The following SLC6A12 variants were observed in gnomAD, a reference collection of about 807,000 sequenced individuals.
SLC6A12 encodes the protein sodium- and chloride-dependent betaine transporter.
In SLC6A12, 50 loss-of-function variants were observed where a neutral mutation model predicts 73.3. That is an observed-to-expected ratio of 0.68 (90% CI 0.54 to 0.86). The LOEUF (loss-of-function observed/expected upper bound fraction) is 0.86. Among genes scored for constraint, SLC6A12 ranks in the 40% least tolerant of loss-of-function variants. SLC6A12 has a pLI of 0.00. For synonymous variants in SLC6A12, 304 were observed against 309.2 expected (o/e 0.98, Z 0.18); for missense variants, 648 against 772.8 (o/e 0.84, Z 1.92).
chr12:205,086 AACAAAC>A (rs1014573647), intron 3 of SLC6A12: 4 of 186,336 alleles, frequency 2.1e-5, no homozygotes, highest in African/African-American at 9.4e-5. Flanking sequence ...TTTAGAGAAA[AACAAAC>A]ACAAACACCT....
At chr12:189,038 C>A (rs1939496821), downstream of SLC6A12, among the ~76,000 whole-genome samples, 1 of 152,148 alleles carries the variant, frequency 6.6e-6, no homozygotes, top group Admixed American at 6.5e-5. Flanking sequence ...TGGTGCAGGG[C>A]GAAGGAATCT....
Position 191,223 on chromosome 12 carries a change from A to G in SLC6A12, c.1702-12T>C. On this transcript the variant is annotated splice_polypyrimidine_tract_variant and intron_variant, in intron 15 of 15. Transcript: ENST00000684302. The stretch of plus-strand genomic sequence containing the variant: ...AGCTGACGCAGACGCTGTGGAGAGA[A>G]GAGGCAGGGATTTGGAGCTGATGGT... 7.9e-7 allele frequency: 1 copy of G among 1,261,496 alleles called. No individual in the cohort carries two copies. The highest frequency in any genetic ancestry group is 3.7e-5 in the South Asian group (1 of 27,294). 78.1% of individuals were successfully genotyped at this position (1,261,496 alleles called of 1,614,324 possible).
rs563357289 is a variant in SLC6A12, at chr12:192,597, C to T, written c.1582G>A (p.Val528Ile). Reference protein sequence around the residue: ...SKYTPLKYNNVYVYPPWGYSI... With the variant: ...SKYTPLKYNNIYVYPPWGYSI... ...TATCCCCAGGGCGGGTACACATAGA[C>T]GTTGTTGTACTTGAGGGGGGTGTAC... The change falls in exon 15 of 16, where the codon GTC becomes ATC. Residue 528 changes from valine to isoleucine, a missense_variant. Physicochemically the swap from Val to Ile is conservative, Grantham distance 29 (BLOSUM62 3). Transcript: ENST00000684302. 99 of 1,614,006 alleles carry T rather than the reference C, an allele frequency of 6.1e-5. No individual in the cohort carries two copies. The South Asian group carries it at 8.9e-4, about 15-fold the overall frequency.
intron 9 of SLC6A12, among the ~76,000 whole-genome samples, 188 bp downstream of exon 9, chr12:197,712 A>G (rs1441908216): frequency 6.6e-6 from 1 of 152,120 alleles, no homozygotes; most frequent in African/African-American, 2.4e-5. Flanking sequence ...GGCAGACAAC[A>G]AAGAGAGAAG....
downstream of SLC6A12, among the ~76,000 whole-genome samples, chr12:187,629 A>AAAC (rs1939459863): frequency 4.4e-5 from 2 of 45,334 alleles, no homozygotes; most frequent in Admixed American, 2.5e-4. Context: ...AAAAAAAAAA[A>AAAC]AACAAACCAC....
chr12:195,188 C>T, intron 13 of SLC6A12, 37 bp downstream of exon 13: 1 of 1,329,498 alleles, frequency 7.5e-7, no homozygotes, highest in South Asian at 1.2e-5. Context: ...CGGTCTTTCT[C>T]CCACCCTGCT....
chr12:187,572 G>A (rs535604805), downstream of SLC6A12, among the ~76,000 whole-genome samples: 31 of 113,582 alleles, frequency 2.7e-4, no homozygotes, highest in Admixed American at 2.3e-3. Context: ...GCAGCAGCAA[G>A]ATTTACTGCA....
Position 196,121 on chromosome 12 carries a change from C to A in SLC6A12, c.1326+3G>T. On this transcript the variant is annotated splice_donor_region_variant and intron_variant, in intron 12 of 15. Coordinates refer to ENST00000684302, the MANE Select transcript of SLC6A12 (RefSeq NM_001122848.3). ...GGCCTGCAGGCCGGCGGCCGCAGCT[C>A]ACCTCGGTGACCAGGAAAAGCCCTA... 6.4e-7 allele frequency: 1 copy of A among 1,556,008 alleles called. No individual in the cohort carries two copies. Among genetic ancestry groups the A allele is most frequent in the East Asian group, 2.4e-5 (1 of 42,134 alleles).
downstream of SLC6A12, among the ~76,000 whole-genome samples, chr12:188,956 A>G (rs1255209611): frequency 6.6e-6 from 1 of 151,214 alleles, no homozygotes; most frequent in African/African-American, 2.4e-5. Context: ...GCTCTCAGCC[A>G]GGGCAGAGAG....
chr12:186,639 G>A (rs1452188376), downstream of SLC6A12, among the ~76,000 whole-genome samples: 1 of 152,228 alleles, frequency 6.6e-6, no homozygotes, highest in African/African-American at 2.4e-5. Flanking sequence ...TTAGTGGGAG[G>A]CCTGGATTCC....
chr12:209,027 C>T (rs1037194613), intron 3 of SLC6A12, among the ~76,000 whole-genome samples: 5 of 152,160 alleles, frequency 3.3e-5, no homozygotes, highest in African/African-American at 1.2e-4. Flanking sequence ...TGAGTGATCC[C>T]TGTGACCTCT....
At chr12:196,332 T>G in intron 11 of SLC6A12, 71 bp from the exon 12 acceptor site, 1 of 1,520,144 alleles carries the variant, frequency 6.6e-7, no homozygotes, top group Non-Finnish European at 8.9e-7. Context: ...TGGCCTCCAC[T>G]TCCCCTGGCT....
rs1421610716 is a variant in SLC6A12, at chr12:212,072, T to G, written c.-104A>C. On this transcript the variant is annotated 5_prime_UTR_variant, in exon 2 of 16. Coordinates refer to ENST00000684302, the MANE Select transcript of SLC6A12 (RefSeq NM_001122848.3). ...TGGGTCTCTAACTTGCTGTGTGACC[T>G]CAGGCAAATCACACCCCCTCTCTGA... 2.0e-5 allele frequency: 3 copies of G among 152,228 alleles called. No individual in the cohort carries two copies. The highest frequency in any genetic ancestry group is 2.9e-5 in the Non-Finnish European group (2 of 68,050). The allele number at this position is 152,228 out of a possible 1,614,324, so 9.4% of individuals were successfully genotyped here. A position where few individuals can be genotyped will look rare whatever the true frequency, so the allele number is the denominator to read the frequency against.
chr12:191,075 T>C lies in SLC6A12; in HGVS notation c.1838A>G (p.His613Arg). 1 of 1,326,416 alleles carries C rather than the reference T, an allele frequency of 7.5e-7. No homozygotes were observed. Among genetic ancestry groups the C allele is most frequent in the Non-Finnish European group, 9.7e-7 (1 of 1,027,298 alleles). The allele number at this position is 1,326,416 out of a possible 1,614,324, so 82.2% of individuals were successfully genotyped here. A position where few individuals can be genotyped will look rare whatever the true frequency, so the allele number is the denominator to read the frequency against. Residue 613 changes from histidine (H) to arginine (R), a missense_variant, in exon 16 of 16, where the codon CAT becomes CGT. Physicochemically the swap from His to Arg is conservative, Grantham distance 29. Transcript: ENST00000684302. ...EGLIAGEKET[H>R]L is the part of the protein sequence containing the mutation. ...CTGGCCTCTGGCCACACCCTACAAA[T>C]GGGTCTCCTTCTCCCCGGCTATCAG...
chr12:197,202 C>CATCCATCCATCTATCCATCCATCT (rs1939963751), intron 10 of SLC6A12, among the ~76,000 whole-genome samples, 175 bp downstream of exon 10: 1 of 48,764 alleles, frequency 2.1e-5, no homozygotes, highest in African/African-American at 6.5e-5. Flanking sequence ...TCCATTCATC[C>CATCCATCCATCTATCCATCCATCT]ATCCATGGAA....
the SLC6A12 span, among the ~76,000 whole-genome samples, chr12:184,612 T>C: frequency 9.2e-5 from 14 of 152,102 alleles, no homozygotes; most frequent in East Asian, 2.3e-3. Context: ...TAGCCGGGCG[T>C]GGTGGCGGGC....
chr12:196,219 A>T lies in SLC6A12; in HGVS notation c.1231T>A (p.Phe411Ile). ...CCGCTCTTCCGGAGCTGCCTGGGGAACATGTCTATGGAGGCTGTCACCAGG... is the reference window on the plus strand; with the variant it reads ...CCGCTCTTCCGGAGCTGCCTGGGGATCATGTCTATGGAGGCTGTCACCAGG... The part of the protein sequence containing the change: ...ECLVTASIDM[F>I]PRQLRKSGRR... The change falls in exon 12 of 16, where the codon TTC becomes ATC. Residue 411 changes from phenylalanine to isoleucine, a missense_variant. Physicochemically the swap from Phe to Ile is conservative, Grantham distance 21. Transcript: ENST00000684302. The T allele has an allele frequency of 6.2e-7, 1 of 1,602,100 alleles. No homozygotes were observed. The highest frequency in any genetic ancestry group is 8.5e-7 in the Non-Finnish European group (1 of 1,175,646).
chr12:188,835 C>T (rs573339406), downstream of SLC6A12, among the ~76,000 whole-genome samples: 10 of 152,262 alleles, frequency 6.6e-5, 1 homozygote, highest in East Asian at 1.7e-3. Context: ...GTGAGGTTGG[C>T]CCGAAGTCCC....
intron 3 of SLC6A12, among the ~76,000 whole-genome samples, chr12:205,579 G>C (rs946351646): frequency 2.6e-5 from 4 of 152,190 alleles, no homozygotes; most frequent in Non-Finnish European, 5.9e-5. Context: ...CACAAGCCCA[G>C]GCAGTCTAGT....
Sources: allele counts gnomAD v4.1 joint callset (sites outside exome capture counted in the v4.1 genomes callset), GRCh38; gene constraint gnomAD v4.1.1; transcripts MANE v1.5; gene names NCBI Gene and HGNC (gene_info 2026-07-23, HGNC 2026-07-21).